Variants in LPIN2 observed in about 807,000 individuals in gnomAD.
The protein encoded by LPIN2 is lipin 2.
In LPIN2, 55 loss-of-function variants were observed where a neutral mutation model predicts 111.4. The observed-to-expected ratio is 0.49, with a 90% CI of 0.40 to 0.62. LPIN2 has a LOEUF of 0.62. Among genes scored for constraint, LPIN2 ranks in the 20% least tolerant of loss-of-function variants. The probability of loss-of-function intolerance (pLI) is 0.00; values close to 1 mark genes in which losing one functional copy is unlikely to be tolerated. For missense variants in LPIN2, 992 were observed against 1,112.1 expected, an observed-to-expected ratio of 0.89 and a Z score of 1.54; for synonymous variants, 425 against 414.0, an observed-to-expected ratio of 1.03 and a Z score of -0.32.
Position 3,003,041 on chromosome 18 carries a change from T to C in LPIN2, c.-10+10046A>G, listed in dbSNP as rs979152947. 4.6e-5 allele frequency among the ~76,000 whole-genome samples: 7 copies of C among 152,368 alleles called. No individual in the cohort carries two copies. The South Asian group carries it at 1.4e-3, about 32-fold the overall frequency. ...TGGATGCGGGCTCCAGTTTAACATA[T>C]GACCTCATTTAATCCTCAGAACCAG... is the stretch of plus-strand genomic sequence containing the variant. On this transcript the variant is annotated intron_variant, in intron 1 of 19. Transcript: ENST00000677752.
At position 2,977,503 on chromosome 18, in the gene LPIN2, G is replaced by C. The variant is rs568166818; in HGVS notation, c.-9-16654C>G. On this transcript the variant is annotated intron_variant, in intron 1 of 19. Transcript: ENST00000677752. Reference sequence around the variant, plus strand: ...TATCATTCTCCAATAAAAGGAACCAGGGTTCCTTGGAAAAGTGGTTGATTC... The same window carrying C: ...TATCATTCTCCAATAAAAGGAACCACGGTTCCTTGGAAAAGTGGTTGATTC... Among the ~76,000 whole-genome samples, 3 of 152,306 alleles carry C rather than the reference G, an allele frequency of 2.0e-5. No homozygotes were observed. In the South Asian group the frequency reaches 6.2e-4, roughly 32 times the overall value.
chr18:2,927,462 C>G (rs773502897), intron 12 of LPIN2, among the ~76,000 whole-genome samples: 6 of 152,208 alleles, frequency 3.9e-5, no homozygotes, highest in Non-Finnish European at 7.3e-5. Context: ...AGCTCCGTCT[C>G]TCACCAGTTA....
At chr18:2,959,221 T>C (rs1388890909) in intron 2 of LPIN2, among the ~76,000 whole-genome samples, 1 of 152,178 alleles carries the variant, frequency 6.6e-6, no homozygotes, top group Admixed American at 6.5e-5. Context: ...TACCCTGAAA[T>C]GTGGTTCTCC....
intron 4 of LPIN2, 110 bp downstream of exon 4, chr18:2,950,945 G>T: frequency 2.5e-6 from 3 of 1,188,326 alleles, no homozygotes; most frequent in Non-Finnish European, 2.5e-6. Context: ...TGTAAAGGGG[G>T]AAAACAAGCC....
chr18:2,989,089 G>T (rs1228555258), intron 1 of LPIN2, among the ~76,000 whole-genome samples: 2 of 151,974 alleles, frequency 1.3e-5, no homozygotes, highest in Non-Finnish European at 2.9e-5. Context: ...TATTATCTCT[G>T]ATCTACACAA....
At chr18:2,951,660 C>A (rs1598560242) in intron 3 of LPIN2, among the ~76,000 whole-genome samples, 2 of 152,144 alleles carry the variant, frequency 1.3e-5, no homozygotes, top group South Asian at 4.1e-4. Flanking sequence ...CTATTAAATT[C>A]TTCACAAAGC....
chr18:2,981,235 G>C (rs946256859), intron 1 of LPIN2, among the ~76,000 whole-genome samples: 4 of 152,110 alleles, frequency 2.6e-5, no homozygotes, highest in Admixed American at 2.0e-4. Flanking sequence ...CTGAAAACCA[G>C]GGTTCTCCCT....
Position 2,924,558 on chromosome 18 carries a change from G to T in LPIN2, c.1939-12C>A. Reference sequence around the variant, plus strand: ...AGCTTCAGTTTTGCCTTTTAAAAAAGCATAAGAATAAAGAAAATCAGCTGA... The same window carrying T: ...AGCTTCAGTTTTGCCTTTTAAAAAATCATAAGAATAAAGAAAATCAGCTGA... On this transcript the variant is annotated splice_polypyrimidine_tract_variant and intron_variant, in intron 14 of 19. Coordinates refer to ENST00000677752, the MANE Select transcript of LPIN2 (RefSeq NM_001375808.2). 1.2e-6 allele frequency: 2 copies of T among 1,613,818 alleles called. No homozygotes were observed. The highest frequency in any genetic ancestry group is 2.2e-5 in the South Asian group (2 of 91,066).
chr18:2,977,345 C>A (rs1005078629), intron 1 of LPIN2, among the ~76,000 whole-genome samples: 14 of 152,112 alleles, frequency 9.2e-5, no homozygotes, highest in African/African-American at 3.4e-4. Context: ...TAACTAGATG[C>A]ACAAGCACTG....
chr18:2,940,506 G>A, intron 5 of LPIN2, 99 bp downstream of exon 5: 1 of 722,028 alleles, frequency 1.4e-6, no homozygotes, highest in Non-Finnish European at 2.5e-6. Context: ...TTGGCTGTGT[G>A]AGAGAAATGG....
chr18:2,922,297 T>C, intron 16 of LPIN2, 98 bp from the exon 17 acceptor site: 4 of 1,408,818 alleles, frequency 2.8e-6, no homozygotes, highest in South Asian at 1.3e-5. Context: ...TCTTTTTTTT[T>C]TGAGTCTCAC....
chr18:2,982,515 C>T (rs559648942), intron 1 of LPIN2, among the ~76,000 whole-genome samples: 5 of 152,156 alleles, frequency 3.3e-5, no homozygotes, highest in Non-Finnish European at 7.4e-5. Flanking sequence ...CAACATAACA[C>T]TTAGAAGTTA....
At chr18:2,946,199 G>C in intron 4 of LPIN2, 1 of 1,607,316 alleles carries the variant, frequency 6.2e-7, no homozygotes, top group Non-Finnish European at 8.5e-7. Context: ...ATTTGTCATT[G>C]GTTCATCTGG....
At position 2,996,515 on chromosome 18, in the gene LPIN2, T is replaced by C. The variant is rs1400922016; in HGVS notation, c.-10+16572A>G. On this transcript the variant is annotated intron_variant, in intron 1 of 19. Transcript: ENST00000677752. ...TTTTTTGAGACAGAGTCTCTCTCTG[T>C]CACCCAGGCTGGAGTGCAGTGGCGC... 4.0e-5 allele frequency among the ~76,000 whole-genome samples: 5 copies of C among 125,164 alleles called. No homozygotes were observed. The East Asian group carries it at 7.9e-4, about 20-fold the overall frequency. The allele number at this position is 125,164 out of a possible 152,430, so 82.1% of individuals were successfully genotyped here. A position where few individuals can be genotyped will look rare whatever the true frequency, so the allele number is the denominator to read the frequency against.
At chr18:2,920,591 C>T (rs1442761986) in intron 19 of LPIN2, among the ~76,000 whole-genome samples, 154 bp from the exon 20 acceptor site, 1 of 152,130 alleles carries the variant, frequency 6.6e-6, no homozygotes, top group Non-Finnish European at 1.5e-5. Flanking sequence ...CTCCCTCTTA[C>T]AAGTCTAGGA....
intron 1 of LPIN2, among the ~76,000 whole-genome samples, chr18:3,005,907 C>T (rs987318363): frequency 7.2e-5 from 11 of 152,154 alleles, no homozygotes; most frequent in East Asian, 3.9e-4. Flanking sequence ...AAAAACAAAA[C>T]GCTAAAATTG....
chr18:2,921,202 G>C lies in LPIN2; in HGVS notation c.2443-321C>G, dbSNP rs1379459428. ...GGCAGGTTGGGAAGTGCTAGCGAAG[G>C]GCCAGCACTGACCCTGGCTCTGGGG... On this transcript the variant is annotated intron_variant, in intron 18 of 19. Coordinates refer to ENST00000677752, the MANE Select transcript of LPIN2 (RefSeq NM_001375808.2). 3.7e-6 allele frequency: 2 copies of C among 547,074 alleles called. 1 individual carries two copies. Among genetic ancestry groups the C allele is most frequent in the Middle Eastern group, 1.0e-3 (2 of 2,002 alleles). The allele number at this position is 547,074 out of a possible 1,614,324, so 33.9% of individuals were successfully genotyped here.
chr18:2,960,318 T>C (rs2077692552), intron 2 of LPIN2, among the ~76,000 whole-genome samples: 1 of 152,118 alleles, frequency 6.6e-6, no homozygotes, highest in Non-Finnish European at 1.5e-5. Flanking sequence ...TTTCTTTTTC[T>C]AAATATGTCT....
intron 16 of LPIN2, among the ~76,000 whole-genome samples, chr18:2,922,763 C>G (rs1054706125): frequency 1.3e-5 from 2 of 152,166 alleles, no homozygotes; most frequent in Admixed American, 6.5e-5. Flanking sequence ...ATAAAATGTT[C>G]AGCATCTAGT....
Sources: gnomAD v4.1 joint callset for allele counts (sites outside exome capture counted in the v4.1 genomes callset) on GRCh38, gnomAD v4.1.1 for gene constraint, MANE v1.5 for transcripts, NCBI Gene and HGNC (gene_info 2026-07-23, HGNC 2026-07-21) for gene names.